Variants in CFAP20DC observed in about 807,000 individuals in gnomAD.
CFAP20DC encodes the protein protein CFAP20DC.
CFAP20DC carries 84 observed loss-of-function variants against 101.7 expected under a neutral mutation model. That is an observed-to-expected ratio of 0.83 (90% confidence interval 0.69 to 0.99). The LOEUF (loss-of-function observed/expected upper bound fraction) is 0.99. CFAP20DC is among the 50% of genes least tolerant of loss of function. The probability of loss-of-function intolerance (pLI) is 0.00; values close to 1 mark genes in which losing one functional copy is unlikely to be tolerated. For missense variants in CFAP20DC, 1,007 were observed against 970.3 expected (o/e 1.04, Z -0.50); for synonymous variants, 359 against 351.2 (o/e 1.02, Z -0.25).
intron 4 of CFAP20DC, among the ~76,000 whole-genome samples, chr3:59,023,618 G>A (rs1309536976): frequency 6.6e-6 from 1 of 152,038 alleles, no homozygotes; most frequent in African/African-American, 2.4e-5. Context: ...AGCCTAGGGT[G>A]CCAGTGACCA....
intron 5 of CFAP20DC, among the ~76,000 whole-genome samples, chr3:58,924,789 T>C (rs1317573032): frequency 6.6e-6 from 1 of 152,178 alleles, no homozygotes; most frequent in African/African-American, 2.4e-5. Context: ...TGTGATGGTA[T>C]TTCACTGTGG....
intron 13 of CFAP20DC, among the ~76,000 whole-genome samples, chr3:58,839,863 G>A (rs1039265572): frequency 6.6e-6 from 1 of 152,170 alleles, no homozygotes; most frequent in Admixed American, 6.5e-5. Flanking sequence ...ATGTCTTAGT[G>A]ACTACTGCTA....
chr3:58,765,391 G>A (rs139109168), intron 15 of CFAP20DC, among the ~76,000 whole-genome samples: 156 of 147,662 alleles, frequency 1.1e-3, no homozygotes, highest in Non-Finnish European at 1.5e-3. Flanking sequence ...TGTGTGCCAG[G>A]CTGTGTGGGG....
At position 58,729,974 on chromosome 3, in the gene CFAP20DC, C is replaced by G. The variant is rs575301209; in HGVS notation, c.198-12346G>C. On this transcript the variant is annotated intron_variant, in intron 3 of 3. Transcript: ENST00000486145. This position sits in a 1 kb window ranked among gnomAD's most constrained non-coding sequence, Gnocchi z 4.4. ...CAGAGGTTGTGGTGAACTGAGATCA[C>G]GCCATTGCATTCCAGCCTGGGCAAT... Among the ~76,000 whole-genome samples the G allele has an allele frequency of 1.1e-3, 166 of 148,504 alleles. 3 individuals carry two copies. Among genetic ancestry groups the G allele is most frequent in the Non-Finnish European group, 2.8e-4 (19 of 67,696 alleles).
At chr3:58,789,139 T>C (rs2072635378) in intron 15 of CFAP20DC, among the ~76,000 whole-genome samples, 1 of 152,176 alleles carries the variant, frequency 6.6e-6, no homozygotes, top group Non-Finnish European at 1.5e-5. Flanking sequence ...CAACTTTATA[T>C]AACACCTTTT....
At chr3:58,756,436 T>A (rs2068962758) in intron 15 of CFAP20DC, among the ~76,000 whole-genome samples, 1 of 152,134 alleles carries the variant, frequency 6.6e-6, no homozygotes, top group African/African-American at 2.4e-5. Context: ...TCGGTTCTTT[T>A]TTTCCCCATT....
In CFAP20DC at chr3:58,724,528, C is replaced by A. The variant is rs1368536488; in HGVS notation, c.198-6900G>T. Among the ~76,000 whole-genome samples the A allele has an allele frequency of 6.6e-6, 1 of 152,196 alleles. No homozygotes were observed. Among genetic ancestry groups the A allele is most frequent in the East Asian group, 1.9e-4 (1 of 5,184 alleles). On this transcript the variant is annotated intron_variant, in intron 3 of 3. Transcript: ENST00000486145. This position sits in a 1 kb window ranked among gnomAD's most constrained non-coding sequence, Gnocchi z 5.6. ...TTTAAGCCCGCTCCCACTAGCTACT[C>A]TCCGATAAGTTAAAGATATGCTGTT...
intron 3 of CFAP20DC, among the ~76,000 whole-genome samples, chr3:59,044,112 T>A (rs1308005999): frequency 6.6e-6 from 1 of 152,184 alleles, no homozygotes; most frequent in Non-Finnish European, 1.5e-5. Flanking sequence ...ATTACTAAAC[T>A]TTCTTCCTAA....
In CFAP20DC at chr3:58,989,832, T is replaced by C. The variant is rs114355248; in HGVS notation, c.278+49725A>G. On this transcript the variant is annotated intron_variant, in intron 4 of 16. Coordinates refer to ENST00000482387, the MANE Select transcript of CFAP20DC (RefSeq NM_001394063.1). Reference sequence around the variant, plus strand: ...GCTTCATTTGGATGAGAGCAAGAAATGAGCCATTTATTGATTTATTATTAG... The same window carrying C: ...GCTTCATTTGGATGAGAGCAAGAAACGAGCCATTTATTGATTTATTATTAG... Among the ~76,000 whole-genome samples, 826 of 152,250 alleles carry C rather than the reference T, an allele frequency of 5.4e-3. 10 individuals carry two copies. Among genetic ancestry groups the C allele is most frequent in the African/African-American group, 0.019 (787 of 41,556 alleles).
At chr3:58,833,122 T>C (rs2076508660) in intron 13 of CFAP20DC, among the ~76,000 whole-genome samples, 1 of 152,216 alleles carries the variant, frequency 6.6e-6, no homozygotes, top group Non-Finnish European at 1.5e-5. Flanking sequence ...TTGGAGTTCC[T>C]ATGACATTAA....
intron 14 of CFAP20DC, among the ~76,000 whole-genome samples, chr3:58,828,732 C>T (rs1351865716): frequency 2.0e-5 from 3 of 151,890 alleles, no homozygotes. Flanking sequence ...ATCATTTGTA[C>T]CCCAGTCTTC....
At position 58,859,754 on chromosome 3, in the gene CFAP20DC, T is replaced by G. The variant is rs1004502463; in HGVS notation, c.1593+3804A>C. 6.6e-6 allele frequency among the ~76,000 whole-genome samples: 1 copy of G among 152,218 alleles called. No individual in the cohort carries two copies. The highest frequency in any genetic ancestry group is 1.5e-5 in the Non-Finnish European group (1 of 68,046). ...AGGCAGTATATTCAAAATAGAGTCT[T>G]TTCATTTTTTCCCAACACATAAACT... On this transcript the variant is annotated intron_variant, in intron 12 of 16. Transcript: ENST00000482387. The surrounding 1 kb of genome is among the most constrained non-coding windows in gnomAD (Gnocchi z 4.1).
At chr3:58,769,578 T>C (rs1463203542) in intron 15 of CFAP20DC, among the ~76,000 whole-genome samples, 3 of 152,040 alleles carry the variant, frequency 2.0e-5, no homozygotes, top group Non-Finnish European at 2.9e-5. Context: ...AGGAAGAACT[T>C]GTAAGGAGAA....
chr3:58,906,597 T>C (rs2083608593), intron 6 of CFAP20DC, among the ~76,000 whole-genome samples: 1 of 152,156 alleles, frequency 6.6e-6, no homozygotes, highest in Admixed American at 6.5e-5. Context: ...TGTCCTATTT[T>C]CATTGTTGGG....
chr3:58,738,057 G>A (rs923384793), downstream of CFAP20DC, among the ~76,000 whole-genome samples: 1 of 152,204 alleles, frequency 6.6e-6, no homozygotes, highest in Non-Finnish European at 1.5e-5. The surrounding 1 kb of genome is among the most constrained non-coding windows in gnomAD (Gnocchi z 4.4). Context: ...GAGAAAAAGA[G>A]AAAATAGAAT....
chr3:58,745,724 A>T (rs1182727165), intron 16 of CFAP20DC, among the ~76,000 whole-genome samples: 1 of 152,186 alleles, frequency 6.6e-6, no homozygotes, highest in Non-Finnish European at 1.5e-5. Flanking sequence ...GTAACTCAGG[A>T]TGGAAGTACT....
At chr3:58,761,206 T>A (rs1306375187) in intron 15 of CFAP20DC, among the ~76,000 whole-genome samples, 1 of 152,250 alleles carries the variant, frequency 6.6e-6, no homozygotes, top group East Asian at 1.9e-4. Context: ...ATTGCCTCAA[T>A]TTCAGAGCCT....
intron 4 of CFAP20DC, among the ~76,000 whole-genome samples, chr3:58,997,214 G>A (rs2093163735): frequency 1.3e-5 from 2 of 152,088 alleles, no homozygotes; most frequent in African/African-American, 2.4e-5. Context: ...TTAATTCTAT[G>A]TGCCCAATAC....
chr3:58,821,258 C>A (rs1185070380), intron 14 of CFAP20DC, among the ~76,000 whole-genome samples: 1 of 152,272 alleles, frequency 6.6e-6, no homozygotes, highest in East Asian at 1.9e-4. Context: ...TACAAAACAA[C>A]AAAAGCAATG....
Sources: gnomAD v4.1 joint callset for allele counts (sites outside exome capture counted in the v4.1 genomes callset) on GRCh38, gnomAD v4.1.1 for gene constraint, Gnocchi (gnomAD v3.1) non-coding constraint, MANE v1.5 for transcripts, NCBI Gene and HGNC (gene_info 2026-07-23, HGNC 2026-07-21) for gene names.